The following GRID2 variants were observed in gnomAD, a reference collection of about 807,000 sequenced individuals.
The protein encoded by GRID2 is glutamate receptor ionotropic, delta-2.
A neutral mutation model predicts 114.8 loss-of-function variants in GRID2; 33 were observed. The observed-to-expected ratio is 0.29, with a 90% CI of 0.22 to 0.38. The LOEUF (loss-of-function observed/expected upper bound fraction) is 0.38. Ranked by LOEUF, GRID2 falls within the 10% of genes least tolerant of loss-of-function variation. The pLI is 1.00. For synonymous variants in GRID2, 505 were observed against 449.9 expected (o/e 1.12, Z -1.55); for missense variants, 1,184 against 1,257.7 (o/e 0.94, Z 0.89).
intron 2 of GRID2, among the ~76,000 whole-genome samples, chr4:92,713,682 A>G (rs1230506111): frequency 6.6e-6 from 1 of 151,636 alleles, no homozygotes; most frequent in Non-Finnish European, 1.5e-5. Flanking sequence ...AGAAGGTGAA[A>G]GGCACATTTC....
At chr4:93,202,694 G>A (rs1241186533) in intron 4 of GRID2, among the ~76,000 whole-genome samples, 1 of 152,018 alleles carries the variant, frequency 6.6e-6, no homozygotes, top group Non-Finnish European at 1.5e-5. Flanking sequence ...AAAACAATCA[G>A]GTGAATTGAT....
intron 2 of GRID2, among the ~76,000 whole-genome samples, chr4:92,661,304 T>G (rs965185288): frequency 2.0e-5 from 3 of 151,008 alleles, no homozygotes; most frequent in African/African-American, 7.3e-5. Context: ...TCACCCTGTT[T>G]AAAAGTATCA....
intron 12 of GRID2, among the ~76,000 whole-genome samples, chr4:93,494,048 T>C (rs1277309609): frequency 1.3e-5 from 2 of 151,842 alleles, no homozygotes; most frequent in East Asian, 1.9e-4. Flanking sequence ...GTAAACATAA[T>C]TGCCTGCAGT....
intron 7 of GRID2, among the ~76,000 whole-genome samples, chr4:93,232,345 C>A (rs1746250053): frequency 1.3e-5 from 2 of 152,006 alleles, no homozygotes; most frequent in South Asian, 4.2e-4. Flanking sequence ...AAATCAAATT[C>A]TTTTGCATTG....
chr4:93,623,972 A>T (rs2060478), intron 13 of GRID2, among the ~76,000 whole-genome samples: 70,121 of 151,904 alleles, frequency 0.46, 16,901 homozygotes, highest in East Asian at 0.65. Context: ...TTTTGTAATT[A>T]TGCATCTGCA....
chr4:93,573,695 C>T (rs1306764264), intron 13 of GRID2, among the ~76,000 whole-genome samples: 4 of 152,108 alleles, frequency 2.6e-5, no homozygotes, highest in Admixed American at 1.3e-4. Flanking sequence ...ATGGTGCTAA[C>T]ATTTTAGTAT....
chr4:93,170,667 C>T (rs1406332480), intron 4 of GRID2, among the ~76,000 whole-genome samples: 9 of 152,122 alleles, frequency 5.9e-5, no homozygotes, highest in Admixed American at 5.9e-4. Flanking sequence ...GTCATAAATC[C>T]AATTCCCAGA....
intron 2 of GRID2, among the ~76,000 whole-genome samples, chr4:92,921,218 C>T (rs1241937236): frequency 6.6e-6 from 1 of 152,100 alleles, no homozygotes; most frequent in Non-Finnish European, 1.5e-5. Flanking sequence ...TTAAGGACTT[C>T]TCTGCATTGG....
rs12642781 is a variant in GRID2, at chr4:93,354,581, A to T, written c.1246-41026A>T. ...CAGTGACAGTGATTTATAGCTCAAA[A>T]ATTAGGACTTTTAAACACTTAACGT... On this transcript the variant is annotated intron_variant, in intron 8 of 15. Coordinates refer to ENST00000282020, the MANE Select transcript of GRID2 (RefSeq NM_001510.4). Among the ~76,000 whole-genome samples, 223 of 151,680 alleles carry T rather than the reference A, an allele frequency of 1.5e-3. 6 individuals carry two copies. The East Asian group carries it at 0.032, about 22-fold the overall frequency.
intron 1 of GRID2, among the ~76,000 whole-genome samples, chr4:93,781,395 C>T (rs1734475748): frequency 6.6e-6 from 1 of 151,352 alleles, no homozygotes; most frequent in African/African-American, 2.4e-5. Context: ...CGGTGAGGGG[C>T]TGCGGTGAGG....
chr4:93,227,093 C>G (rs1179692826), intron 7 of GRID2, among the ~76,000 whole-genome samples: 1 of 152,154 alleles, frequency 6.6e-6, no homozygotes, highest in Non-Finnish European at 1.5e-5. Flanking sequence ...ACTGTGAGGG[C>G]AGCAGCAGCT....
chr4:93,563,747 A>G (rs1735134114), intron 13 of GRID2, among the ~76,000 whole-genome samples: 1 of 151,990 alleles, frequency 6.6e-6, no homozygotes, highest in Admixed American at 6.6e-5. Context: ...GTGCCTTGGT[A>G]CATAGATTAG....
At chr4:93,418,944 C>T (rs1767988551) in intron 9 of GRID2, among the ~76,000 whole-genome samples, 1 of 151,846 alleles carries the variant, frequency 6.6e-6, no homozygotes, top group African/African-American at 2.4e-5. Context: ...AAGAGGTAAG[C>T]TTCAATTAAG....
At chr4:92,699,743 A>G (rs1734582594) in intron 2 of GRID2, among the ~76,000 whole-genome samples, 1 of 152,174 alleles carries the variant, frequency 6.6e-6, no homozygotes, top group African/African-American at 2.4e-5. Flanking sequence ...TTATAAGACA[A>G]TGACTTCTGT....
At chr4:93,070,100 A>G (rs1728681217) in intron 2 of GRID2, among the ~76,000 whole-genome samples, 1 of 151,920 alleles carries the variant, frequency 6.6e-6, no homozygotes, top group Non-Finnish European at 1.5e-5. Context: ...ATTAGTGTCA[A>G]ATATTTAAAT....
intron 2 of GRID2, among the ~76,000 whole-genome samples, chr4:92,704,147 G>A (rs546594987): frequency 1.3e-5 from 2 of 152,146 alleles, no homozygotes; most frequent in South Asian, 2.1e-4. Flanking sequence ...GCGTCGCGGC[G>A]GGCGCCTGTA....
In GRID2 at chr4:92,321,033, A is replaced by T. The variant is rs757694240; in HGVS notation, c.88+16289A>T. The stretch of plus-strand genomic sequence containing the variant: ...TTTATAGTTTCATATTGAATGTATA[A>T]TTCTCTTACATAAATTAATAGAATT... On this transcript the variant is annotated intron_variant, in intron 1 of 15. Transcript: ENST00000282020. Among the ~76,000 whole-genome samples, 7 of 152,186 alleles carry T rather than the reference A, an allele frequency of 4.6e-5. 1 individual carries two copies. The highest frequency in any genetic ancestry group is 1.3e-4 in the Admixed American group (2 of 15,274).
intron 2 of GRID2, among the ~76,000 whole-genome samples, chr4:92,915,898 A>G (rs568873230): frequency 1.3e-5 from 2 of 152,076 alleles, no homozygotes; most frequent in East Asian, 1.9e-4. Context: ...CCTTTGCCCA[A>G]TTTTTAATGG....
chr4:93,725,551 A>G (rs1031676621), intron 14 of GRID2, among the ~76,000 whole-genome samples: 5 of 151,716 alleles, frequency 3.3e-5, no homozygotes, highest in Admixed American at 6.5e-5. Flanking sequence ...TCCCTGAGGA[A>G]TCGCCACACT....
Sources: allele counts gnomAD v4.1 joint callset (sites outside exome capture counted in the v4.1 genomes callset), GRCh38; gene constraint gnomAD v4.1.1; transcripts MANE v1.5; gene names NCBI Gene and HGNC (gene_info 2026-07-23, HGNC 2026-07-21).